TEX11: variants seen among roughly 807,000 people sequenced by gnomAD.
The protein encoded by TEX11 is testis expressed 11.
TEX11 carries 7 observed loss-of-function variants against 84.4 expected under a neutral mutation model. The observed-to-expected ratio is 0.08, with a 90% CI of 0.05 to 0.16. TEX11 has a LOEUF of 0.16. TEX11 is among the 10% of genes least tolerant of loss of function. The pLI is 1.00. For missense variants in TEX11, 551 were observed against 660.5 expected (o/e 0.83, Z 1.82); for synonymous variants, 264 against 222.8 (o/e 1.18, Z -1.64).
At chrX:70,709,185 C>G (rs907921003) in intron 13 of TEX11, among the ~76,000 whole-genome samples, 1 of 111,171 alleles carries the variant, frequency 9.0e-6, no homozygotes, top group African/African-American at 3.3e-5. Context: ...CAACCTGAAG[C>G]AGGAGAAGAG....
chrX:70,602,935 G>C (rs1366139666), intron 24 of TEX11, among the ~76,000 whole-genome samples: 2 of 76,929 alleles, frequency 2.6e-5, no homozygotes, highest in African/African-American at 1.0e-4. Flanking sequence ...CAAATCATGA[G>C]AGAACTCCCA....
At chrX:70,771,879 AC>A (rs1328630693) in intron 9 of TEX11, among the ~76,000 whole-genome samples, 7 of 111,523 alleles carry the variant, frequency 6.3e-5, no homozygotes, top group Admixed American at 4.8e-4. Context: ...TGCCTCATGA[AC>A]CCAGCCTCCA....
chrX:70,721,499 G>T (rs1348676581), intron 13 of TEX11, among the ~76,000 whole-genome samples: 1 of 111,723 alleles, frequency 9.0e-6, no homozygotes, highest in Admixed American at 9.6e-5. Flanking sequence ...TCTATAATTA[G>T]GTGGATTTAT....
At position 70,746,100 on chromosome X, in the gene TEX11, G is replaced by A. The variant is rs1013371467; in HGVS notation, c.693-1881C>T. Among the ~76,000 whole-genome samples, 7 of 111,873 alleles carry A rather than the reference G, an allele frequency of 6.3e-5. 1 individual carries two copies. The highest frequency in any genetic ancestry group is 1.9e-4 in the Admixed American group (2 of 10,480). On this transcript the variant is annotated intron_variant, in intron 9 of 29. Coordinates refer to ENST00000374333, the MANE Select transcript of TEX11 (RefSeq NM_031276.3). Reference sequence around the variant, plus strand: ...CTAAATCTCAGTATAACCAGTGAGAGTCTATGGCATTTGAACTATAAACTG... The same window carrying A: ...CTAAATCTCAGTATAACCAGTGAGAATCTATGGCATTTGAACTATAAACTG...
chrX:70,668,788 C>T (rs1442658871), intron 16 of TEX11, among the ~76,000 whole-genome samples: 1 of 112,048 alleles, frequency 8.9e-6, no homozygotes, highest in Non-Finnish European at 1.9e-5. Flanking sequence ...AACTTGTATT[C>T]CTCTTCTGGT....
At chrX:70,578,343 A>G (rs2088708057) in intron 25 of TEX11, among the ~76,000 whole-genome samples, 1 of 112,188 alleles carries the variant, frequency 8.9e-6, no homozygotes. Context: ...TAATTGGACT[A>G]ACGGATTATC....
At chrX:70,876,810 T>C (rs1223651297) in intron 3 of TEX11, among the ~76,000 whole-genome samples, 1 of 110,897 alleles carries the variant, frequency 9.0e-6, no homozygotes, top group Non-Finnish European at 1.9e-5. Flanking sequence ...CAGTCCCAGC[T>C]ACTCGGAGGG....
At chrX:70,730,668 C>A (rs1299240272) in intron 11 of TEX11, among the ~76,000 whole-genome samples, 2 of 111,513 alleles carry the variant, frequency 1.8e-5, no homozygotes, top group African/African-American at 3.3e-5. Context: ...CCTTAGAGAC[C>A]TACAAAGAGA....
chrX:70,847,188 T>C (rs2091484349), intron 7 of TEX11, among the ~76,000 whole-genome samples: 1 of 111,647 alleles, frequency 9.0e-6, no homozygotes, highest in Non-Finnish European at 1.9e-5. Flanking sequence ...GGAAGCTTAC[T>C]GAAGTCCCTG....
At chrX:70,567,286 C>G (rs948537794) in intron 25 of TEX11, among the ~76,000 whole-genome samples, 4 of 111,112 alleles carry the variant, frequency 3.6e-5, no homozygotes, top group African/African-American at 1.3e-4. Flanking sequence ...CTATTTGATT[C>G]TTCTCTCTTT....
At chrX:70,699,583 A>G (rs2090309251) in intron 13 of TEX11, among the ~76,000 whole-genome samples, 1 of 112,132 alleles carries the variant, frequency 8.9e-6, no homozygotes, top group Non-Finnish European at 1.9e-5. Context: ...AATCAAGATC[A>G]TCTGAAGAAA....
chrX:70,740,276 G>A (rs1760160032), intron 11 of TEX11, among the ~76,000 whole-genome samples: 2 of 111,197 alleles, frequency 1.8e-5, no homozygotes, highest in African/African-American at 3.3e-5. Context: ...TCGCAGATTC[G>A]GTGTCTGGTG....
chrX:70,632,123 A>AG (rs1340129830), intron 17 of TEX11, among the ~76,000 whole-genome samples: 1 of 102,721 alleles, frequency 9.7e-6, no homozygotes, highest in Non-Finnish European at 1.9e-5. Flanking sequence ...GAAAACCTGA[A>AG]AAAAAAAAAA....
At chrX:70,724,280 C>T (rs1461605424) in intron 12 of TEX11, 2 of 693,717 alleles carry the variant, frequency 2.9e-6, no homozygotes, top group East Asian at 1.6e-4. Flanking sequence ...TCTGTGTATG[C>T]TGAGGTGATA....
chrX:70,622,037 C>T (rs1055273109), intron 20 of TEX11, among the ~76,000 whole-genome samples: 2 of 111,376 alleles, frequency 1.8e-5, no homozygotes, highest in African/African-American at 6.5e-5. Context: ...GTAGATACTG[C>T]TCATTTATAA....
At chrX:70,517,194 G>A in the TEX11 span, among the ~76,000 whole-genome samples, 1 of 109,433 alleles carries the variant, frequency 9.1e-6, no homozygotes, top group Non-Finnish European at 1.9e-5. Flanking sequence ...ATCTTTGTCT[G>A]GTGCAGGTTT....
intron 24 of TEX11, among the ~76,000 whole-genome samples, chrX:70,594,223 A>G (rs922830598): frequency 9.0e-6 from 1 of 111,653 alleles, no homozygotes; most frequent in Non-Finnish European, 1.9e-5. Context: ...ATCCAAAGTG[A>G]TCAAAGAAAA....
At chrX:70,764,009 T>A (rs929615700) in intron 9 of TEX11, among the ~76,000 whole-genome samples, 3 of 112,062 alleles carry the variant, frequency 2.7e-5, no homozygotes, top group African/African-American at 3.2e-5. Context: ...TACAGAACAT[T>A]TCATCCAACA....
intron 13 of TEX11, among the ~76,000 whole-genome samples, chrX:70,714,364 G>A (rs2090474241): frequency 9.0e-6 from 1 of 111,164 alleles, no homozygotes; most frequent in Non-Finnish European, 1.9e-5. Flanking sequence ...TTTCTGTCGT[G>A]TTGATCTGTC....
Sources: gnomAD v4.1 joint callset for allele counts (sites outside exome capture counted in the v4.1 genomes callset) on GRCh38, gnomAD v4.1.1 for gene constraint, MANE v1.5 for transcripts, NCBI Gene and HGNC (gene_info 2026-07-23, HGNC 2026-07-21) for gene names.